PTGES: variants seen among roughly 807,000 people sequenced by gnomAD.
PTGES encodes the protein MGST1-like 1.
A neutral mutation model predicts 11.8 loss-of-function variants in PTGES; 3 were observed. The observed-to-expected ratio is 0.25, with a 90% confidence interval of 0.12 to 0.66. The LOEUF is 0.66. PTGES is among the 30% of genes least tolerant of loss of function. PTGES has a pLI of 0.82. For synonymous variants in PTGES, 94 were observed against 90.4 expected, an observed-to-expected ratio of 1.04 and a Z score of -0.22; for missense variants, 180 against 213.0, an observed-to-expected ratio of 0.85 and a Z score of 0.96.
chr9:129,743,018 G>C (rs1247504524), intron 2 of PTGES, among the ~76,000 whole-genome samples: 1 of 152,254 alleles, frequency 6.6e-6, no homozygotes, highest in Non-Finnish European at 1.5e-5. Context: ...AAGACGGGAA[G>C]TTCATGGCAG....
At chr9:129,752,784 C>G (rs1033667019) in intron 1 of PTGES, 103 bp downstream of exon 1, 2 of 1,578,436 alleles carry the variant, frequency 1.3e-6, no homozygotes, top group East Asian at 4.5e-5. Context: ...CCTCCCAGCC[C>G]TGCACACACC....
chr9:129,751,000 G>A (rs1833100717), intron 1 of PTGES, among the ~76,000 whole-genome samples: 1 of 152,182 alleles, frequency 6.6e-6, no homozygotes, highest in South Asian at 2.1e-4. Flanking sequence ...CTCTGGGACA[G>A]GTTCACCTCC....
At chr9:129,751,819 C>A (rs895478681) in intron 1 of PTGES, among the ~76,000 whole-genome samples, 1 of 152,216 alleles carries the variant, frequency 6.6e-6, no homozygotes, top group African/African-American at 2.4e-5. Flanking sequence ...TATGGCGCCT[C>A]CCCTGCCCTC....
intron 2 of PTGES, among the ~76,000 whole-genome samples, chr9:129,744,347 T>C (rs1241477109): frequency 1.3e-5 from 2 of 151,912 alleles, no homozygotes; most frequent in Non-Finnish European, 2.9e-5. Context: ...CAGGCTGAAG[T>C]GGGAGGATCA....
chr9:129,740,672 A>G (rs1832986437), intron 2 of PTGES, among the ~76,000 whole-genome samples: 1 of 152,222 alleles, frequency 6.6e-6, no homozygotes, highest in South Asian at 2.1e-4. Context: ...AAGAAAACTC[A>G]GAAAACTCAC....
rs1832955763 is a variant in PTGES at position 129,738,440 on chromosome 9, C to G, written c.*1171G>C. On this transcript the variant is annotated 3_prime_UTR_variant, in exon 3 of 3. Coordinates refer to ENST00000340607, the MANE Select transcript of PTGES (RefSeq NM_004878.5). The surrounding 1 kb of genome is among the most constrained non-coding windows in gnomAD (Gnocchi z 4.2). The stretch of plus-strand genomic sequence containing the variant: ...ACACACACACACACACACACACACA[C>G]ACACACACACACACACACGGATTCC... 2 of 152,908 alleles carry G rather than the reference C, an allele frequency of 1.3e-5. No homozygotes were observed. The highest frequency in any genetic ancestry group is 1.5e-5 in the Non-Finnish European group (1 of 68,930). 9.5% of individuals were successfully genotyped at this position (152,908 alleles called of 1,614,324 possible).
At chr9:129,744,900 G>T (rs1198203593) in intron 2 of PTGES, among the ~76,000 whole-genome samples, 1 of 151,514 alleles carries the variant, frequency 6.6e-6, no homozygotes, top group Non-Finnish European at 1.5e-5. Flanking sequence ...AATTTTTTTT[G>T]AGTACTTCGT....
intron 1 of PTGES, among the ~76,000 whole-genome samples, chr9:129,750,741 C>T (rs1266525268): frequency 1.3e-5 from 2 of 152,194 alleles, no homozygotes; most frequent in Non-Finnish European, 2.9e-5. Flanking sequence ...GTTGCATTCT[C>T]CTGGCGCTGC....
At chr9:129,748,525 A>C in intron 2 of PTGES, 130 bp downstream of exon 2, 1 of 646,534 alleles carries the variant, frequency 1.5e-6, no homozygotes, top group Non-Finnish European at 2.4e-6. Flanking sequence ...AAAGTAAAAC[A>C]GTCAGAGAAG....
chr9:129,748,000 ACT>A (rs1323480886), intron 2 of PTGES, among the ~76,000 whole-genome samples: 14 of 117,628 alleles, frequency 1.2e-4, no homozygotes, highest in Non-Finnish European at 1.1e-4. Flanking sequence ...ACAGAGTGAG[ACT>A]CTGTCTCAAA....
Position 129,748,733 on chromosome 9 carries a change from A to G in PTGES, c.131T>C (p.Phe44Ser). 1.3e-6 allele frequency: 2 copies of G among 1,590,674 alleles called. No individual in the cohort carries two copies. Among genetic ancestry groups the G allele is most frequent in the Non-Finnish European group, 1.7e-6 (2 of 1,170,482 alleles). The change falls in exon 2 of 3, where the codon TTT (phenylalanine) becomes TCT (serine). Residue 44 changes from phenylalanine (F) to serine (S), a missense_variant. By Grantham distance (155) the Phe-to-Ser change is radical (BLOSUM62 -2). Transcript: ENST00000340607. ...TGQVRLRKKA[F>S]ANPEDALRHG... ...TCTCAGGGCATCCTCGGGGTTGGCA[A>G]AGGCCTGAAATATACCAGTTGAGAG...
intron 2 of PTGES, among the ~76,000 whole-genome samples, chr9:129,746,260 C>T (rs1292006563): frequency 6.6e-6 from 1 of 152,096 alleles, no homozygotes; most frequent in Non-Finnish European, 1.5e-5. Flanking sequence ...TGAGCTGGCC[C>T]CGGGCAACCC....
intron 2 of PTGES, among the ~76,000 whole-genome samples, chr9:129,748,348 T>C (rs1378307055): frequency 6.6e-6 from 1 of 152,060 alleles, no homozygotes; most frequent in Non-Finnish European, 1.5e-5. Flanking sequence ...TGCATGGCCA[T>C]TGGCAGGAGT....
intron 1 of PTGES, 68 bp downstream of exon 1, chr9:129,752,819 G>A (rs1833127679): frequency 6.2e-7 from 1 of 1,610,964 alleles, no homozygotes; most frequent in East Asian, 2.2e-5. Context: ...CTATCCCGGG[G>A]CTTTCCTGAC....
intron 2 of PTGES, among the ~76,000 whole-genome samples, chr9:129,744,218 G>A (rs898186976): frequency 6.6e-5 from 10 of 152,078 alleles, no homozygotes; most frequent in Non-Finnish European, 8.8e-5. Context: ...GGACACCATC[G>A]CTAAAGCTCA....
chr9:129,741,678 G>A (rs1832996215), intron 2 of PTGES, among the ~76,000 whole-genome samples: 1 of 152,162 alleles, frequency 6.6e-6, no homozygotes, highest in Admixed American at 6.5e-5. Context: ...GGCCAAGGCG[G>A]GCGGATTACC....
In PTGES at chr9:129,747,600, A is replaced by G. The variant is rs975847786; in HGVS notation, c.209+1055T>C. 4.6e-5 allele frequency among the ~76,000 whole-genome samples: 7 copies of G among 152,292 alleles called. No homozygotes were observed. The East Asian group carries it at 9.6e-4, about 21-fold the overall frequency. ...GGAATCCACCCAAATATGCCAATACAATGAGTTGTCAGTTGCATTGTCAGA... is the reference window on the plus strand; with the variant it reads ...GGAATCCACCCAAATATGCCAATACGATGAGTTGTCAGTTGCATTGTCAGA... On this transcript the variant is annotated intron_variant, in intron 2 of 2. Transcript: ENST00000340607.
At chr9:129,746,366 G>T (rs937585363) in intron 2 of PTGES, among the ~76,000 whole-genome samples, 3 of 152,150 alleles carry the variant, frequency 2.0e-5, no homozygotes, top group African/African-American at 7.2e-5. Context: ...ACCAATGGAA[G>T]TCATGTATGG....
At chr9:129,750,982 C>T (rs1564164082) in intron 1 of PTGES, among the ~76,000 whole-genome samples, 1 of 152,184 alleles carries the variant, frequency 6.6e-6, no homozygotes, top group Non-Finnish European at 1.5e-5. Context: ...GCCAATCAGG[C>T]AGAAAGGCTC....
Sources: allele counts gnomAD v4.1 joint callset (sites outside exome capture counted in the v4.1 genomes callset), GRCh38; gene constraint gnomAD v4.1.1; non-coding constraint Gnocchi (gnomAD v3.1); transcripts MANE v1.5; gene names NCBI Gene and HGNC (gene_info 2026-07-23, HGNC 2026-07-21).